FHIT: variants seen among roughly 807,000 people sequenced by gnomAD.
FHIT encodes bis(5'-adenosyl)-triphosphatase.
In FHIT, 19 loss-of-function variants were observed where a neutral mutation model predicts 17.9. The ratio of observed to expected loss-of-function variants is 1.06; its 90% CI spans 0.74 to 1.56. The LOEUF (loss-of-function observed/expected upper bound fraction) is 1.56, where lower values mean the gene tolerates loss of function less well. Ranked by LOEUF, FHIT falls within the 40% of genes most tolerant of loss-of-function variation. FHIT has a pLI of 0.00. For missense variants in FHIT, 248 were observed against 189.2 expected, an observed-to-expected ratio of 1.31 and a Z score of -1.82; for synonymous variants, 81 against 69.7, an observed-to-expected ratio of 1.16 and a Z score of -0.81.
chr3:60,761,502 T>C (rs782046550), intron 4 of FHIT, among the ~76,000 whole-genome samples: 3 of 152,152 alleles, frequency 2.0e-5, no homozygotes, highest in African/African-American at 4.8e-5. Flanking sequence ...ACTTTCGAAA[T>C]ATTTACTTGC....
chr3:59,871,454 C>T (rs1702921439), intron 8 of FHIT, among the ~76,000 whole-genome samples: 1 of 152,188 alleles, frequency 6.6e-6, no homozygotes, highest in African/African-American at 2.4e-5. Flanking sequence ...ACCCACCCCC[C>T]CACACACGCA....
At chr3:61,188,017 A>C (rs2038577538) in intron 2 of FHIT, among the ~76,000 whole-genome samples, 1 of 152,230 alleles carries the variant, frequency 6.6e-6, no homozygotes, top group Non-Finnish European at 1.5e-5. Context: ...TCACAAATTA[A>C]AGAACTAGAG....
At chr3:60,868,324 G>T (rs1704252717) in intron 3 of FHIT, among the ~76,000 whole-genome samples, 2 of 152,064 alleles carry the variant, frequency 1.3e-5, no homozygotes, top group South Asian at 4.1e-4. Context: ...CAAAAATAAA[G>T]ACTTGAAATT....
chr3:60,465,154 G>T (rs1351848240), intron 5 of FHIT, among the ~76,000 whole-genome samples: 3 of 151,814 alleles, frequency 2.0e-5, no homozygotes, highest in African/African-American at 7.3e-5. Context: ...TCATATATTT[G>T]CCATTTGTAT....
At chr3:60,503,249 A>G (rs1447051147) in intron 5 of FHIT, among the ~76,000 whole-genome samples, 1 of 152,238 alleles carries the variant, frequency 6.6e-6, no homozygotes, top group Non-Finnish European at 1.5e-5. Context: ...ATTCTCACTT[A>G]TAAAATTAGC....
intron 5 of FHIT, among the ~76,000 whole-genome samples, chr3:60,041,374 T>A (rs1358860102): frequency 6.6e-6 from 1 of 152,196 alleles, no homozygotes; most frequent in Non-Finnish European, 1.5e-5. Flanking sequence ...CTTGAGCCAA[T>A]GACTTCTTTC....
At position 59,749,282 on chromosome 3, in the gene FHIT, T is replaced by A. The variant is rs541274941; in HGVS notation, c.*303A>T. Reference sequence around the variant, plus strand: ...TGTAATAGGTTTGTTGCCTAATTCATGGCAAGTCAATACACCGAGACACAG... The same window carrying A: ...TGTAATAGGTTTGTTGCCTAATTCAAGGCAAGTCAATACACCGAGACACAG... On this transcript the variant is annotated 3_prime_UTR_variant, in exon 10 of 10. Coordinates refer to ENST00000492590, the MANE Select transcript of FHIT (RefSeq NM_002012.4). The A allele has an allele frequency of 4.5e-4, 105 of 231,142 alleles. No individual in the cohort carries two copies. Among genetic ancestry groups the A allele is most frequent in the Admixed American group, 3.4e-3 (61 of 17,694 alleles). 14.3% of individuals were successfully genotyped at this position (231,142 alleles called of 1,614,324 possible).
intron 4 of FHIT, among the ~76,000 whole-genome samples, chr3:60,628,629 T>G (rs1553681662): frequency 6.6e-6 from 1 of 152,232 alleles, no homozygotes; most frequent in Non-Finnish European, 1.5e-5. Context: ...CTCTTACCTT[T>G]ACCTTTCTTT....
chr3:60,425,634 A>C (rs1302621287), intron 5 of FHIT, among the ~76,000 whole-genome samples: 1 of 152,152 alleles, frequency 6.6e-6, no homozygotes, highest in Non-Finnish European at 1.5e-5. Context: ...ACTATGATGT[A>C]TTCATCCACT....
chr3:61,189,606 A>C (rs1362964304), intron 2 of FHIT, among the ~76,000 whole-genome samples: 23 of 152,210 alleles, frequency 1.5e-4, no homozygotes, highest in Non-Finnish European at 8.8e-5. Context: ...ATGGAACCAA[A>C]AACGACCCCG....
chr3:61,018,420 T>C (rs938441880), intron 3 of FHIT, among the ~76,000 whole-genome samples: 1 of 152,244 alleles, frequency 6.6e-6, no homozygotes, highest in Non-Finnish European at 1.5e-5. Flanking sequence ...ACCATTTACA[T>C]TAGTTTGAAA....
chr3:60,336,738 C>T (rs1219851187), intron 5 of FHIT, among the ~76,000 whole-genome samples: 3 of 152,070 alleles, frequency 2.0e-5, no homozygotes, highest in Middle Eastern at 3.4e-3. Context: ...CAGAAAGTTC[C>T]GTTAGACAGC....
chr3:61,126,158 CTCATTTTCAG>C (rs2036599756), intron 2 of FHIT, among the ~76,000 whole-genome samples: 1 of 152,110 alleles, frequency 6.6e-6, no homozygotes, highest in Admixed American at 6.6e-5. Flanking sequence ...TATATTTTCA[CTCATTTTCAG>C]TCAAATATTT....
At chr3:60,960,219 C>T (rs1392190024) in intron 3 of FHIT, among the ~76,000 whole-genome samples, 4 of 152,280 alleles carry the variant, frequency 2.6e-5, no homozygotes, top group African/African-American at 9.6e-5. Flanking sequence ...GGGTCTCCAA[C>T]GTCAGCAGGA....
intron 8 of FHIT, among the ~76,000 whole-genome samples, chr3:59,842,235 G>A (rs1701560396): frequency 6.6e-6 from 1 of 152,126 alleles, no homozygotes; most frequent in South Asian, 2.1e-4. Context: ...CACTTATCAG[G>A]ATTTCCCCTT....
intron 5 of FHIT, among the ~76,000 whole-genome samples, chr3:60,503,357 T>A (rs544349147): frequency 4.6e-5 from 7 of 152,320 alleles, no homozygotes; most frequent in Middle Eastern, 6.8e-3. Flanking sequence ...TGTCCACTCA[T>A]TGAGATCTCA....
intron 5 of FHIT, among the ~76,000 whole-genome samples, chr3:60,499,433 C>T (rs1241368681): frequency 1.3e-5 from 2 of 152,078 alleles, no homozygotes; most frequent in Non-Finnish European, 2.9e-5. Flanking sequence ...GCTCTGTCGC[C>T]CAGGCTGGAG....
rs182877471 is a variant in FHIT, at chr3:60,330,610, A to G, written c.103+206250T>C. 4.1e-4 allele frequency among the ~76,000 whole-genome samples: 63 copies of G among 152,304 alleles called. No homozygotes were observed. In the East Asian group the frequency reaches 8.9e-3, roughly 21 times the overall value. On this transcript the variant is annotated intron_variant, in intron 5 of 9. Coordinates refer to ENST00000492590, the MANE Select transcript of FHIT (RefSeq NM_002012.4). ...TGGAACCATATATATCAAAAGCTCTAAAACACCAAACCCGTTTCTAGAAAT... is the reference window on the plus strand; with the variant it reads ...TGGAACCATATATATCAAAAGCTCTGAAACACCAAACCCGTTTCTAGAAAT...
intron 5 of FHIT, among the ~76,000 whole-genome samples, chr3:60,185,366 G>C (rs1286891501): frequency 6.6e-6 from 1 of 152,092 alleles, no homozygotes; most frequent in African/African-American, 2.4e-5. Context: ...TAATAAAGTT[G>C]CATCATGCAG....
Sources: gnomAD v4.1 joint callset for allele counts (sites outside exome capture counted in the v4.1 genomes callset) on GRCh38, gnomAD v4.1.1 for gene constraint, MANE v1.5 for transcripts, NCBI Gene and HGNC (gene_info 2026-07-23, HGNC 2026-07-21) for gene names.